The following LAMA4 variants were observed in gnomAD, a reference collection of about 807,000 sequenced individuals.
LAMA4 encodes the protein laminin subunit alpha-4.
LAMA4 carries 127 observed loss-of-function variants against 207.1 expected under a neutral mutation model. That is an observed-to-expected ratio of 0.61 (90% CI 0.53 to 0.71). LAMA4 has a LOEUF of 0.71. Among genes scored for constraint, LAMA4 ranks in the 30% least tolerant of loss-of-function variants. The pLI is 0.00. For synonymous variants in LAMA4, 761 were observed against 816.0 expected, an observed-to-expected ratio of 0.93 and a Z score of 1.15; for missense variants, 2,093 against 2,246.5, an observed-to-expected ratio of 0.93 and a Z score of 1.38.
At chr6:112,189,069 A>G (rs1467970481) in intron 7 of LAMA4, 41 bp downstream of exon 7, 1 of 1,383,878 alleles carries the variant, frequency 7.2e-7, no homozygotes, top group African/African-American at 1.4e-5. Context: ...GCAGCACATT[A>G]GAGAAAGTGG....
At position 112,207,136 on chromosome 6, in the gene LAMA4, G is replaced by T; in HGVS notation, c.307C>A (p.Arg103=). 10 of 1,613,836 alleles carry T rather than the reference G, an allele frequency of 6.2e-6. No individual in the cohort carries two copies. Among genetic ancestry groups the T allele is most frequent in the Non-Finnish European group, 8.5e-6 (10 of 1,179,904 alleles). Residue 103 remains arginine, a synonymous_variant, in exon 4 of 39, where the codon CGG becomes AGG. Coordinates refer to ENST00000230538, the MANE Select transcript of LAMA4 (RefSeq NM_001105206.3). ...TCACAGTGCTCTCCTGTTGTGTTCCGCTGGCAGTGCTATGAGACAAAAGAC... is the reference window on the plus strand; with the variant it reads ...TCACAGTGCTCTCCTGTTGTGTTCCTCTGGCAGTGCTATGAGACAAAAGAC... The part of the protein sequence containing the change: ...DGSGYCVHCQ[R]NTTGEHCEKC...
chr6:112,202,445 T>G (rs972435477), intron 4 of LAMA4, among the ~76,000 whole-genome samples: 13 of 90,118 alleles, frequency 1.4e-4, no homozygotes, highest in South Asian at 7.5e-4. Context: ...GGCATAGGGG[T>G]GTGTGTGTGT....
intron 26 of LAMA4, 76 bp downstream of exon 26, chr6:112,134,391 G>T: frequency 6.8e-7 from 1 of 1,459,938 alleles, no homozygotes; most frequent in Non-Finnish European, 9.6e-7. Flanking sequence ...TGCGTACACT[G>T]TTACTAGACC....
At chr6:112,188,504 G>A (rs372279018) in intron 7 of LAMA4, among the ~76,000 whole-genome samples, 352 of 152,320 alleles carry the variant, frequency 2.3e-3, no homozygotes, top group Non-Finnish European at 4.4e-3. Context: ...GGGACTGAGA[G>A]ACCAAGATAC....
At chr6:112,245,251 C>G (rs1041756040) in intron 2 of LAMA4, among the ~76,000 whole-genome samples, 1 of 152,216 alleles carries the variant, frequency 6.6e-6, no homozygotes, top group African/African-American at 2.4e-5. Context: ...GAAGAAGAGG[C>G]TTGCCAGGGT....
chr6:112,169,624 G>A (rs944206187), intron 12 of LAMA4, among the ~76,000 whole-genome samples: 8 of 152,196 alleles, frequency 5.3e-5, no homozygotes, highest in Admixed American at 4.6e-4. Flanking sequence ...AGGTGGAGCA[G>A]GGCTTTCAAA....
intron 9 of LAMA4, chr6:112,179,970 TG>T: frequency 3.8e-6 from 2 of 528,888 alleles, no homozygotes; most frequent in Non-Finnish European, 7.7e-6. Context: ...AAACAGTATT[TG>T]TGGTCATTTT....
At chr6:112,235,800 G>C (rs1320587244) in intron 2 of LAMA4, among the ~76,000 whole-genome samples, 2 of 152,122 alleles carry the variant, frequency 1.3e-5, no homozygotes, top group African/African-American at 4.8e-5. Context: ...TCTAAGTATA[G>C]GTGCTGAGAG....
At chr6:112,162,788 T>C (rs1191096988) in intron 13 of LAMA4, among the ~76,000 whole-genome samples, 2 of 152,134 alleles carry the variant, frequency 1.3e-5, no homozygotes, top group Non-Finnish European at 2.9e-5. Context: ...GGAGGTGTCA[T>C]AGCTGGAGGT....
At chr6:112,122,283 G>A in intron 31 of LAMA4, 82 bp from the exon 32 acceptor site, 2 of 1,012,116 alleles carry the variant, frequency 2.0e-6, no homozygotes, top group Non-Finnish European at 3.0e-6. Context: ...TCATTAATAA[G>A]GATAAAAAAT....
intron 2 of LAMA4, among the ~76,000 whole-genome samples, chr6:112,227,792 G>A (rs1785305955): frequency 3.9e-5 from 6 of 152,192 alleles, no homozygotes; most frequent in Admixed American, 3.9e-4. Flanking sequence ...CAGCCTTTAG[G>A]TTCTTCTATA....
chr6:112,245,156 G>T (rs1303792586), intron 2 of LAMA4, among the ~76,000 whole-genome samples: 1 of 152,168 alleles, frequency 6.6e-6, no homozygotes, highest in Non-Finnish European at 1.5e-5. Flanking sequence ...CCTTCAGCTT[G>T]TCAAATTGTA....
chr6:112,215,391 A>G (rs1784569639), intron 3 of LAMA4, among the ~76,000 whole-genome samples: 1 of 152,352 alleles, frequency 6.6e-6, no homozygotes, highest in Non-Finnish European at 1.5e-5. Flanking sequence ...TGTGAATAAA[A>G]TATCACTTTC....
intron 10 of LAMA4, among the ~76,000 whole-genome samples, chr6:112,177,295 T>G (rs1393251803): frequency 6.6e-6 from 1 of 152,194 alleles, no homozygotes; most frequent in Non-Finnish European, 1.5e-5. Context: ...TGCCCCAGTA[T>G]AAAGACATGA....
chr6:112,205,782 C>T lies in LAMA4; in HGVS notation c.422+1239G>A, dbSNP rs183080757. Reference sequence around the variant, plus strand: ...CCGAGGAACCAAACATGTAATTGGACGTTGTGAATTTCAACCCTCCCCACC... The same window carrying T: ...CCGAGGAACCAAACATGTAATTGGATGTTGTGAATTTCAACCCTCCCCACC... On this transcript the variant is annotated intron_variant, in intron 4 of 38. Coordinates refer to ENST00000230538, the MANE Select transcript of LAMA4 (RefSeq NM_001105206.3). Among the ~76,000 whole-genome samples, 344 of 152,168 alleles carry T rather than the reference C, an allele frequency of 2.3e-3. 1 individual carries two copies. The highest frequency in any genetic ancestry group is 0.01 in the Middle Eastern group (3 of 294).
chr6:112,236,983 A>T (rs1785974226), intron 2 of LAMA4: 1 of 152,216 alleles, frequency 6.6e-6, no homozygotes, highest in South Asian at 2.1e-4. Flanking sequence ...TTGGTTTAGA[A>T]GAATAAAAAC....
chr6:112,167,513 C>T (rs1481289931), intron 12 of LAMA4, among the ~76,000 whole-genome samples: 1 of 152,108 alleles, frequency 6.6e-6, no homozygotes, highest in African/African-American at 2.4e-5. Context: ...ATAAATAAAA[C>T]ATTGGATTTT....
At chr6:112,151,514 GTATT>G (rs1410098619) in intron 16 of LAMA4, among the ~76,000 whole-genome samples, 4 of 151,956 alleles carry the variant, frequency 2.6e-5, no homozygotes, top group Admixed American at 6.6e-5. Context: ...AATGAATATG[GTATT>G]TATTTATCAT....
rs111366339 is a variant in LAMA4 at position 112,131,205 on chromosome 6, G to A, written c.3835-104C>T. 1.2e-5 allele frequency: 12 copies of A among 1,043,180 alleles called. No individual in the cohort carries two copies. In the African/African-American group the frequency reaches 1.7e-4, roughly 15 times the overall value. The allele number at this position is 1,043,180 out of a possible 1,614,324, so 64.6% of individuals were successfully genotyped here. On this transcript the variant is annotated intron_variant, in intron 28 of 38. Coordinates refer to ENST00000230538, the MANE Select transcript of LAMA4 (RefSeq NM_001105206.3). Reference sequence around the variant, plus strand: ...GTATTGCTTAAAGGCAATATAGTGTGTAGGAAATTTGCTTGTAAAATAATT... The same window carrying A: ...GTATTGCTTAAAGGCAATATAGTGTATAGGAAATTTGCTTGTAAAATAATT...
Sources: gnomAD v4.1 joint callset for allele counts (sites outside exome capture counted in the v4.1 genomes callset) on GRCh38, gnomAD v4.1.1 for gene constraint, MANE v1.5 for transcripts, NCBI Gene and HGNC (gene_info 2026-07-23, HGNC 2026-07-21) for gene names.